RIPOR2: variants seen among roughly 807,000 people sequenced by gnomAD.
RIPOR2 encodes the protein rho family-interacting cell polarization regulator 2.
Under a neutral mutation model 114.5 loss-of-function variants are expected in RIPOR2, and 39 were observed. The observed-to-expected ratio is 0.34, with a 90% CI of 0.26 to 0.44. The LOEUF (loss-of-function observed/expected upper bound fraction) is 0.44, where lower values mean the gene tolerates loss of function less well. Ranked by LOEUF, RIPOR2 falls within the 20% of genes least tolerant of loss-of-function variation. The pLI is 1.00. For synonymous variants in RIPOR2, 445 were observed against 484.4 expected, an observed-to-expected ratio of 0.92 and a Z score of 1.07; for missense variants, 1,007 against 1,255.1, an observed-to-expected ratio of 0.80 and a Z score of 2.99.
chr6:24,891,541 T>A (rs1767360985), intron 1 of RIPOR2, among the ~76,000 whole-genome samples: 1 of 152,016 alleles, frequency 6.6e-6, no homozygotes, highest in African/African-American at 2.4e-5. Flanking sequence ...CTAATTCTTA[T>A]CTTTAAGTAC....
chr6:25,030,965 G>A (rs1423876405), intron 1 of RIPOR2: 1 of 151,304 alleles, frequency 6.6e-6, no homozygotes, highest in African/African-American at 2.4e-5. Context: ...CCAAAATGCT[G>A]GGATTACAGA....
chr6:24,997,439 C>T (rs568179073), intron 1 of RIPOR2, among the ~76,000 whole-genome samples: 2 of 152,306 alleles, frequency 1.3e-5, no homozygotes, highest in South Asian at 2.1e-4. Flanking sequence ...GCAGTCCTTA[C>T]AGCCTCCATG....
intron 1 of RIPOR2, among the ~76,000 whole-genome samples, chr6:24,968,886 G>T (rs1454264365): frequency 6.6e-6 from 1 of 152,210 alleles, no homozygotes; most frequent in East Asian, 1.9e-4. Context: ...GTGACATCAT[G>T]TTGCTGGTTG....
intron 21 of RIPOR2, among the ~76,000 whole-genome samples, chr6:24,807,292 C>T (rs1030422172): frequency 2.0e-5 from 3 of 152,084 alleles, no homozygotes; most frequent in Admixed American, 6.6e-5. Context: ...CACAGTGAAA[C>T]CCCATCTCTA....
At chr6:24,911,025 C>A (rs369808356) in intron 1 of RIPOR2, 1 of 974,462 alleles carries the variant, frequency 1.0e-6, no homozygotes, top group Non-Finnish European at 1.2e-6. Flanking sequence ...CGCGTCCGCT[C>A]GCAGCAGCTG....
chr6:24,958,509 T>TGAGAGGGG (rs1773147745), intron 1 of RIPOR2, among the ~76,000 whole-genome samples: 1 of 152,194 alleles, frequency 6.6e-6, no homozygotes, highest in African/African-American at 2.4e-5. Flanking sequence ...TATTTTAGCA[T>TGAGAGGGG]GAGAGGGGGA....
chr6:24,988,735 T>C (rs115677400), intron 1 of RIPOR2, among the ~76,000 whole-genome samples: 2,314 of 152,232 alleles, frequency 0.015, 55 homozygotes, highest in African/African-American at 0.05. Flanking sequence ...CATCATGCCT[T>C]GTCCTTGCCA....
intron 7 of RIPOR2, among the ~76,000 whole-genome samples, chr6:24,862,931 T>C (rs183570949): frequency 6.6e-6 from 1 of 152,156 alleles, no homozygotes; most frequent in Admixed American, 6.5e-5. Context: ...CTTTTGTGGT[T>C]ATGTGAGGAT....
chr6:24,891,703 G>A (rs1190565946), intron 1 of RIPOR2, among the ~76,000 whole-genome samples: 1 of 152,086 alleles, frequency 6.6e-6, no homozygotes, highest in African/African-American at 2.4e-5. Flanking sequence ...GAGCCCAAAA[G>A]GCACTATCCC....
At chr6:24,908,782 T>C (rs766616457) in intron 1 of RIPOR2, among the ~76,000 whole-genome samples, 2 of 152,136 alleles carry the variant, frequency 1.3e-5, no homozygotes, top group Non-Finnish European at 2.9e-5. Context: ...CAACCTTGGG[T>C]GGGTCCCTTC....
At position 24,877,123 on chromosome 6, in the gene RIPOR2, A is replaced by AG. The variant is rs1765862773; in HGVS notation, c.62-1307_62-1306insC. The AG allele has an allele frequency of 5.1e-6, 5 of 985,504 alleles. No homozygotes were observed. The South Asian group carries it at 2.3e-4, about 46-fold the overall frequency. 61.0% of individuals were successfully genotyped at this position (985,504 alleles called of 1,614,324 possible). ...CTCAAAGAAAGAAAAGCTAAAAAAA[A>AG]CAACAGCAGCAGAACTCTCTGGTAG... On this transcript the variant is annotated intron_variant, in intron 1 of 21. Transcript: ENST00000643898.
intron 1 of RIPOR2, among the ~76,000 whole-genome samples, chr6:24,913,987 C>T (rs909319051): frequency 4.6e-5 from 7 of 152,076 alleles, no homozygotes; most frequent in Admixed American, 6.5e-5. Context: ...AAGAAGAAAT[C>T]GTTTAATACA....
Position 24,932,345 on chromosome 6 carries a change from TGA to T in RIPOR2, c.61+3491_61+3492del, listed in dbSNP as rs1245510979. Among the ~76,000 whole-genome samples the T allele has an allele frequency of 3.7e-3, 545 of 147,540 alleles. 1 individual carries two copies. Among genetic ancestry groups the T allele is most frequent in the Non-Finnish European group, 4.5e-3 (300 of 66,382 alleles). ...GTGTGTGTGTGTGTGTGTGTGTGTA[TGA>T]GAGAGAGAAAAAGAGAGAGAAGAAA... On this transcript the variant is annotated intron_variant, in intron 1 of 21. Coordinates refer to ENST00000643898, the MANE Select transcript of RIPOR2 (RefSeq NM_001286445.3).
intron 1 of RIPOR2, among the ~76,000 whole-genome samples, chr6:24,880,884 G>A (rs190433442): frequency 4.6e-5 from 7 of 152,220 alleles, no homozygotes; most frequent in Non-Finnish European, 7.4e-5. Context: ...ATATATACCC[G>A]ATATATACTC....
At chr6:24,915,583 T>C (rs371128903) in intron 1 of RIPOR2, among the ~76,000 whole-genome samples, 6 of 152,318 alleles carry the variant, frequency 3.9e-5, no homozygotes, top group African/African-American at 1.4e-4. Context: ...CAGGCTGGTC[T>C]CAAACTCCTG....
intron 1 of RIPOR2, chr6:24,911,037 G>T: frequency 1.1e-6 from 1 of 947,252 alleles, no homozygotes; most frequent in Non-Finnish European, 1.3e-6. Context: ...CAGCAGCTGC[G>T]GCGCGCGGGG....
intron 1 of RIPOR2, among the ~76,000 whole-genome samples, chr6:24,973,893 T>C (rs956292907): frequency 6.6e-6 from 1 of 152,070 alleles, no homozygotes; most frequent in Non-Finnish European, 1.5e-5. Context: ...GAGCTAAATC[T>C]TGGGGACACA....
At chr6:24,872,402 G>A (rs889423446) in intron 4 of RIPOR2, among the ~76,000 whole-genome samples, 2 of 151,564 alleles carry the variant, frequency 1.3e-5, no homozygotes, top group Admixed American at 6.6e-5. Flanking sequence ...AAACACAGAC[G>A]GGGGGTGGGT....
chr6:24,954,776 C>T (rs532188049), intron 1 of RIPOR2, among the ~76,000 whole-genome samples: 113 of 151,456 alleles, frequency 7.5e-4, no homozygotes, highest in African/African-American at 2.4e-3. Context: ...AGTGGCTTCT[C>T]ATGGCAAAGA....
Sources: gnomAD v4.1 joint callset for allele counts (sites outside exome capture counted in the v4.1 genomes callset) on GRCh38, gnomAD v4.1.1 for gene constraint, MANE v1.5 for transcripts, NCBI Gene and HGNC (gene_info 2026-07-23, HGNC 2026-07-21) for gene names.